ELMO1: variants seen among roughly 807,000 people sequenced by gnomAD.
ELMO1 encodes the protein engulfment and cell motility 1.
A neutral mutation model predicts 98.9 loss-of-function variants in ELMO1; 26 were observed. That is an observed-to-expected ratio of 0.26 (90% CI 0.19 to 0.36). The LOEUF (loss-of-function observed/expected upper bound fraction) is 0.36, where lower values mean the gene tolerates loss of function less well. ELMO1 is among the 10% of genes least tolerant of loss of function. The pLI is 1.00. For synonymous variants in ELMO1, 346 were observed against 346.0 expected (o/e 1.00, Z 0.00); for missense variants, 627 against 935.2 (o/e 0.67, Z 4.30).
At chr7:37,047,110 G>C (rs999374575) in intron 15 of ELMO1, among the ~76,000 whole-genome samples, 4 of 152,208 alleles carry the variant, frequency 2.6e-5, no homozygotes. Context: ...GAAAGAGAAA[G>C]AGCTGAACCA....
rs998741808 is a variant in ELMO1 at position 36,854,853 on chromosome 7, A to G, written c.*698T>C. On this transcript the variant is annotated 3_prime_UTR_variant, in exon 22 of 22. Transcript: ENST00000310758. ...GGGCAGGGAGAGGAAACCCCAGACT[A>G]GCTGGTGAGGAGGGAAGATTTGTCA... is the stretch of plus-strand genomic sequence containing the variant. 2.6e-5 allele frequency: 4 copies of G among 153,722 alleles called. No homozygotes were observed. Among genetic ancestry groups the G allele is most frequent in the Non-Finnish European group, 5.8e-5 (4 of 68,916 alleles). 9.5% of individuals were successfully genotyped at this position (153,722 alleles called of 1,614,324 possible).
intron 13 of ELMO1, among the ~76,000 whole-genome samples, chr7:37,208,378 G>C (rs988556138): frequency 6.6e-6 from 1 of 152,252 alleles, no homozygotes; most frequent in Non-Finnish European, 1.5e-5. Flanking sequence ...CCAAAGCCTT[G>C]TCATGTAATG....
intron 15 of ELMO1, among the ~76,000 whole-genome samples, chr7:37,022,297 G>A (rs950483215): frequency 6.6e-6 from 1 of 151,980 alleles, no homozygotes; most frequent in Non-Finnish European, 1.5e-5. Context: ...AATAAAAATG[G>A]CAACTTTGGA....
chr7:37,091,878 G>A (rs879937186), intron 15 of ELMO1, among the ~76,000 whole-genome samples: 9 of 152,122 alleles, frequency 5.9e-5, no homozygotes, highest in African/African-American at 1.4e-4. Flanking sequence ...ATCAGATCTC[G>A]TGAGACTTTT....
chr7:36,976,969 G>A (rs1790606931), intron 16 of ELMO1, among the ~76,000 whole-genome samples: 1 of 152,154 alleles, frequency 6.6e-6, no homozygotes, highest in South Asian at 2.1e-4. Context: ...ACGTGGGCTT[G>A]GGAATCAAGA....
At chr7:37,415,947 G>A (rs887676911) in intron 1 of ELMO1, among the ~76,000 whole-genome samples, 3 of 152,142 alleles carry the variant, frequency 2.0e-5, no homozygotes, top group African/African-American at 7.2e-5. Context: ...AAAACAACAA[G>A]AGACCCATGT....
At chr7:37,244,851 T>C (rs1287023166) in intron 6 of ELMO1, among the ~76,000 whole-genome samples, 1 of 152,192 alleles carries the variant, frequency 6.6e-6, no homozygotes, top group Non-Finnish European at 1.5e-5. Context: ...GCTTCTTCTG[T>C]GGGAAGATGC....
chr7:36,887,132 G>A (rs1805078669), intron 18 of ELMO1, among the ~76,000 whole-genome samples: 1 of 152,138 alleles, frequency 6.6e-6, no homozygotes, highest in African/African-American at 2.4e-5. Context: ...TTCCTAATCT[G>A]TACACTGGGC....
intron 13 of ELMO1, among the ~76,000 whole-genome samples, chr7:37,201,897 A>G (rs924122763): frequency 2.0e-5 from 3 of 152,226 alleles, no homozygotes; most frequent in African/African-American, 7.2e-5. Context: ...GTCTGATCAA[A>G]GTGTCAAGGA....
At chr7:36,904,240 C>A (rs1322290774) in intron 16 of ELMO1, among the ~76,000 whole-genome samples, 1 of 152,204 alleles carries the variant, frequency 6.6e-6, no homozygotes. Flanking sequence ...TAAGGACAGG[C>A]TGTGATGAAA....
chr7:36,877,262 G>T (rs1403537317), intron 19 of ELMO1, among the ~76,000 whole-genome samples: 8 of 152,086 alleles, frequency 5.3e-5, no homozygotes, highest in African/African-American at 1.9e-4. Flanking sequence ...TTCTACTTGG[G>T]ATATCCTCTG....
At chr7:37,373,840 A>T (rs140562692) in intron 1 of ELMO1, among the ~76,000 whole-genome samples, 98 of 152,356 alleles carry the variant, frequency 6.4e-4, no homozygotes, top group African/African-American at 2.2e-3. Context: ...AGGGAGGCCT[A>T]CTCTGAGCTC....
chr7:36,935,440 T>C (rs1038764388), intron 16 of ELMO1, among the ~76,000 whole-genome samples: 1 of 152,192 alleles, frequency 6.6e-6, no homozygotes, highest in African/African-American at 2.4e-5. Context: ...CTGGCCTAAT[T>C]GCAAAGTTGA....
At chr7:37,213,253 G>C in intron 12 of ELMO1, 82 bp downstream of exon 12, 1 of 1,530,482 alleles carries the variant, frequency 6.5e-7, no homozygotes. Context: ...AAACTCCCTA[G>C]TTTCAGGGTA....
At chr7:37,075,206 GC>G (rs1399502135) in intron 15 of ELMO1, among the ~76,000 whole-genome samples, 2 of 151,438 alleles carry the variant, frequency 1.3e-5, no homozygotes, top group African/African-American at 2.4e-5. Flanking sequence ...GAGTGCAGTG[GC>G]ACGATCTCTG....
chr7:37,154,957 C>T (rs771576436), intron 13 of ELMO1, among the ~76,000 whole-genome samples: 7 of 152,300 alleles, frequency 4.6e-5, no homozygotes, highest in East Asian at 3.9e-4. Context: ...AGACTAACAG[C>T]GGATCTTTCT....
At chr7:37,115,223 C>A (rs1294702819) in intron 14 of ELMO1, among the ~76,000 whole-genome samples, 1 of 152,078 alleles carries the variant, frequency 6.6e-6, no homozygotes, top group African/African-American at 2.4e-5. Context: ...AAGGTAGAAG[C>A]AGAAGGAGTA....
At chr7:37,066,088 C>T (rs1040108626) in intron 15 of ELMO1, among the ~76,000 whole-genome samples, 2 of 152,204 alleles carry the variant, frequency 1.3e-5, no homozygotes, top group African/African-American at 4.8e-5. Context: ...GTTCCTCATT[C>T]ACCTTCAGCC....
At chr7:37,207,672 G>C (rs992128486) in intron 13 of ELMO1, among the ~76,000 whole-genome samples, 1 of 152,172 alleles carries the variant, frequency 6.6e-6, no homozygotes, top group Non-Finnish European at 1.5e-5. Context: ...GGCTGGTGTA[G>C]TGCCTCATGC....
Sources: gnomAD v4.1 joint callset for allele counts (sites outside exome capture counted in the v4.1 genomes callset) on GRCh38, gnomAD v4.1.1 for gene constraint, MANE v1.5 for transcripts, NCBI Gene and HGNC (gene_info 2026-07-23, HGNC 2026-07-21) for gene names.